Variants in UBE3D observed in about 807,000 individuals in gnomAD.
UBE3D encodes the protein E3 ubiquitin-protein ligase E3D.
Under a neutral mutation model 49.6 loss-of-function variants are expected in UBE3D, and 48 were observed. The observed-to-expected ratio is 0.97, with a 90% confidence interval of 0.77 to 1.23. UBE3D has a LOEUF of 1.23. Among genes scored for constraint, UBE3D ranks in the 50% most tolerant of loss-of-function variants. UBE3D has a pLI of 0.00. For missense variants in UBE3D, 452 were observed against 468.4 expected, an observed-to-expected ratio of 0.96 and a Z score of 0.32; for synonymous variants, 189 against 174.2, an observed-to-expected ratio of 1.08 and a Z score of -0.67.
intron 2 of UBE3D, among the ~76,000 whole-genome samples, chr6:83,055,603 T>C (rs1255508305): frequency 6.6e-6 from 1 of 152,196 alleles, no homozygotes; most frequent in Non-Finnish European, 1.5e-5. Flanking sequence ...AAAATTCAGT[T>C]TCTGATATAG....
At chr6:82,956,576 C>A (rs1051824154) in intron 9 of UBE3D, among the ~76,000 whole-genome samples, 1 of 152,134 alleles carries the variant, frequency 6.6e-6, no homozygotes, top group African/African-American at 2.4e-5. Context: ...TAGACCAATC[C>A]TGTTAAACAT....
intron 9 of UBE3D, among the ~76,000 whole-genome samples, chr6:82,935,982 A>G (rs1198871281): frequency 6.6e-6 from 1 of 152,174 alleles, no homozygotes; most frequent in African/African-American, 2.4e-5. Context: ...AATATTTAAA[A>G]TAATGGATTT....
intron 9 of UBE3D, among the ~76,000 whole-genome samples, chr6:82,943,183 A>G (rs938275628): frequency 6.6e-6 from 1 of 152,098 alleles, no homozygotes; most frequent in Non-Finnish European, 1.5e-5. Context: ...GTTTTGGCCA[A>G]TTTCTCCCCT....
intron 8 of UBE3D, among the ~76,000 whole-genome samples, chr6:83,000,979 G>C (rs984325892): frequency 6.6e-6 from 1 of 152,076 alleles, no homozygotes; most frequent in Non-Finnish European, 1.5e-5. Context: ...TGAGTAGCTA[G>C]AATTACAGGC....
In UBE3D at chr6:82,959,713, C is replaced by A. The variant is rs574353411; in HGVS notation, c.1011-2263G>T. 2.5e-5 allele frequency among the ~76,000 whole-genome samples: 3 copies of A among 117,876 alleles called. No homozygotes were observed. In the East Asian group the frequency reaches 6.9e-4, roughly 27 times the overall value. The allele number at this position is 117,876 out of a possible 152,430, so 77.3% of individuals were successfully genotyped here. Reference sequence around the variant, plus strand: ...GATCCAAATTCCTATCTCAGTGAGACCTCCAAAAAAAAAAAAAAAAAAAAA... The same window carrying A: ...GATCCAAATTCCTATCTCAGTGAGAACTCCAAAAAAAAAAAAAAAAAAAAA... On this transcript the variant is annotated intron_variant, in intron 8 of 9. Coordinates refer to ENST00000369747, the MANE Select transcript of UBE3D (RefSeq NM_198920.3).
chr6:82,884,134 T>G, the UBE3D span, among the ~76,000 whole-genome samples: 1 of 152,188 alleles, frequency 6.6e-6, no homozygotes, highest in African/African-American at 2.4e-5. Context: ...ACTATAATTA[T>G]AGGCACTGGG....
At chr6:83,056,505 T>C (rs1418350081) in intron 2 of UBE3D, among the ~76,000 whole-genome samples, 4 of 152,190 alleles carry the variant, frequency 2.6e-5, no homozygotes, top group Non-Finnish European at 5.9e-5. Context: ...CCTAACCTTC[T>C]TGCTATGGTT....
At chr6:83,023,063 T>C (rs1480217229) in intron 6 of UBE3D, among the ~76,000 whole-genome samples, 1 of 152,212 alleles carries the variant, frequency 6.6e-6, no homozygotes, top group East Asian at 1.9e-4. Context: ...AATTTTTGGA[T>C]ATCAACAAAT....
At chr6:82,890,930 T>G (rs944193050), downstream of UBE3D, among the ~76,000 whole-genome samples, 4 of 152,192 alleles carry the variant, frequency 2.6e-5, no homozygotes, top group Non-Finnish European at 5.9e-5. Context: ...AGAAAATTCT[T>G]TTTTATGCAC....
intron 8 of UBE3D, among the ~76,000 whole-genome samples, chr6:83,015,797 G>A (rs998484963): frequency 6.6e-6 from 1 of 152,154 alleles, no homozygotes; most frequent in African/African-American, 2.4e-5. Flanking sequence ...GAGGCCTGTT[G>A]CCTCAGGCAG....
intron 9 of UBE3D, among the ~76,000 whole-genome samples, chr6:82,899,858 A>G (rs1462603317): frequency 6.6e-6 from 1 of 151,438 alleles, no homozygotes. Context: ...AACTTTACTA[A>G]TGAGAGCAAA....
At chr6:83,017,555 T>C (rs1780781548) in intron 8 of UBE3D, 1 of 152,042 alleles carries the variant, frequency 6.6e-6, no homozygotes, top group African/African-American at 2.4e-5. Flanking sequence ...AATATAAGGA[T>C]AGTGTCAAGT....
intron 9 of UBE3D, among the ~76,000 whole-genome samples, chr6:82,946,334 G>A (rs1775398061): frequency 6.6e-6 from 1 of 151,996 alleles, no homozygotes; most frequent in Admixed American, 6.6e-5. Context: ...AACCTTACAG[G>A]CCAGGAGAGA....
chr6:82,914,718 T>C (rs1410580844), intron 9 of UBE3D, among the ~76,000 whole-genome samples: 1 of 152,182 alleles, frequency 6.6e-6, no homozygotes, highest in Non-Finnish European at 1.5e-5. Context: ...AAAAATAATT[T>C]ATAGCATTCT....
At chr6:82,978,995 T>C (rs1280146939) in intron 8 of UBE3D, among the ~76,000 whole-genome samples, 4 of 152,152 alleles carry the variant, frequency 2.6e-5, no homozygotes, top group African/African-American at 9.7e-5. Flanking sequence ...TAACATAACA[T>C]ACATAGTGGG....
intron 9 of UBE3D, among the ~76,000 whole-genome samples, chr6:82,945,829 A>G (rs1360352859): frequency 6.6e-6 from 1 of 152,220 alleles, no homozygotes; most frequent in Non-Finnish European, 1.5e-5. Flanking sequence ...GAACTAATTA[A>G]AAAGAATCAA....
chr6:83,027,238 C>G (rs1460176030), intron 5 of UBE3D, among the ~76,000 whole-genome samples: 1 of 151,540 alleles, frequency 6.6e-6, no homozygotes, highest in Non-Finnish European at 1.5e-5. Context: ...GAGTTCAAGA[C>G]CAGCCTGGCC....
At chr6:83,023,405 T>C (rs1394522538) in intron 6 of UBE3D, among the ~76,000 whole-genome samples, 1 of 152,216 alleles carries the variant, frequency 6.6e-6, no homozygotes, top group African/African-American at 2.4e-5. Flanking sequence ...TTTATATGTG[T>C]GGTTTGGTTC....
At chr6:82,984,212 G>A (rs928850920) in intron 8 of UBE3D, among the ~76,000 whole-genome samples, 19 of 151,962 alleles carry the variant, frequency 1.3e-4, no homozygotes, top group Non-Finnish European at 1.8e-4. Context: ...TTCTTCACCA[G>A]AGTAGTATAT....
Sources: allele counts gnomAD v4.1 joint callset (sites outside exome capture counted in the v4.1 genomes callset), GRCh38; gene constraint gnomAD v4.1.1; transcripts MANE v1.5; gene names NCBI Gene and HGNC (gene_info 2026-07-23, HGNC 2026-07-21).